The following SEMA5A variants were observed in gnomAD, a reference collection of about 807,000 sequenced individuals.
SEMA5A encodes the protein semaphorin-5A.
Under a neutral mutation model 135.5 loss-of-function variants are expected in SEMA5A, and 55 were observed. The ratio of observed to expected loss-of-function variants is 0.41; its 90% CI spans 0.33 to 0.51. The LOEUF is 0.51. Ranked by LOEUF, SEMA5A falls within the 20% of genes least tolerant of loss-of-function variation. SEMA5A has a pLI of 0.37. For missense variants in SEMA5A, 1,290 were observed against 1,419.9 expected (o/e 0.91, Z 1.47); for synonymous variants, 580 against 546.5 (o/e 1.06, Z -0.85).
rs79283070 is a variant in SEMA5A, at chr5:9,425,543, A to G, written c.-78+12213T>C. On this transcript the variant is annotated intron_variant, in intron 2 of 22. Coordinates refer to ENST00000382496, the MANE Select transcript of SEMA5A (RefSeq NM_003966.3). ...ACGACCACTAGCCCTTGGTGACCCC[A>G]TGTACAGGAAGAGATGTTTCAGGGA... Among the ~76,000 whole-genome samples, 15 of 152,330 alleles carry G rather than the reference A, an allele frequency of 9.8e-5. No individual in the cohort carries two copies. In the East Asian group the frequency reaches 2.9e-3, roughly 29 times the overall value.
chr5:9,201,743 A>G (rs3026338), intron 9 of SEMA5A, among the ~76,000 whole-genome samples: 2,010 of 152,274 alleles, frequency 0.013, 40 homozygotes, highest in African/African-American at 0.046. Flanking sequence ...AACTTTCTTG[A>G]TTTGGCGTAT....
In SEMA5A at chr5:9,545,751, GC is replaced by G. The variant is rs1738358087; in HGVS notation, c.-343del. On this transcript the variant is annotated 5_prime_UTR_variant, in exon 1 of 23. Transcript: ENST00000382496. This position sits in a 1 kb window ranked among gnomAD's most constrained non-coding sequence, Gnocchi z 4.5. ...GCTGAGTTCCAGAATGGGGGCACCG[GC>G]TTGGGGGCCACGAGCACGGTCCCCG... The G allele has an allele frequency of 6.6e-6, 1 of 152,338 alleles. No homozygotes were observed. The highest frequency in any genetic ancestry group is 1.5e-5 in the Non-Finnish European group (1 of 68,170). The allele number at this position is 152,338 out of a possible 1,614,324, so 9.4% of individuals were successfully genotyped here.
chr5:9,054,948 T>C (rs542527442), intron 18 of SEMA5A, among the ~76,000 whole-genome samples: 32 of 152,306 alleles, frequency 2.1e-4, no homozygotes, highest in African/African-American at 7.2e-4. Flanking sequence ...AGTTTTACAA[T>C]GTGAAAGTTA....
intron 5 of SEMA5A, among the ~76,000 whole-genome samples, chr5:9,248,013 A>G (rs899560553): frequency 2.0e-5 from 3 of 152,330 alleles, no homozygotes; most frequent in African/African-American, 7.2e-5. Flanking sequence ...TAAATAATTT[A>G]GCATTAAACA....
At chr5:9,351,425 G>A (rs1039189341) in intron 3 of SEMA5A, among the ~76,000 whole-genome samples, 3 of 151,858 alleles carry the variant, frequency 2.0e-5, no homozygotes, top group Non-Finnish European at 2.9e-5. Context: ...TATAATTAGT[G>A]CATTTCATTG....
At chr5:9,218,154 G>T in intron 8 of SEMA5A, among the ~76,000 whole-genome samples, 1 of 152,076 alleles carries the variant, frequency 6.6e-6, no homozygotes, top group East Asian at 1.9e-4. Flanking sequence ...CATGACATGG[G>T]TTTACCTTTG....
At chr5:9,079,271 A>C (rs1422218720) in intron 16 of SEMA5A, among the ~76,000 whole-genome samples, 1 of 152,138 alleles carries the variant, frequency 6.6e-6, no homozygotes, top group Non-Finnish European at 1.5e-5. Context: ...TCAAAACCAC[A>C]CAACTACATG....
intron 5 of SEMA5A, among the ~76,000 whole-genome samples, chr5:9,257,846 G>T (rs1006741965): frequency 1.3e-5 from 2 of 152,110 alleles, no homozygotes; most frequent in African/African-American, 2.4e-5. Context: ...GGTACACAGG[G>T]GTGTGCAGGG....
At chr5:9,091,866 A>G (rs546045904) in intron 16 of SEMA5A, among the ~76,000 whole-genome samples, 19 of 152,332 alleles carry the variant, frequency 1.2e-4, no homozygotes, top group African/African-American at 4.6e-4. Flanking sequence ...AGTCCTGTTG[A>G]GCACTGACCT....
chr5:9,142,825 A>T (rs967436800), intron 12 of SEMA5A, among the ~76,000 whole-genome samples: 11 of 152,212 alleles, frequency 7.2e-5, no homozygotes, highest in African/African-American at 2.7e-4. Flanking sequence ...TTAACCGGGC[A>T]TGATGGCACA....
chr5:9,388,371 A>C (rs1295377451), intron 2 of SEMA5A, among the ~76,000 whole-genome samples: 1 of 152,140 alleles, frequency 6.6e-6, no homozygotes, highest in Non-Finnish European at 1.5e-5. Context: ...ATTTACACAA[A>C]GGCAATATTA....
At chr5:9,471,516 A>C (rs1759478361) in intron 1 of SEMA5A, among the ~76,000 whole-genome samples, 1 of 152,224 alleles carries the variant, frequency 6.6e-6, no homozygotes, top group African/African-American at 2.4e-5. Flanking sequence ...CAGTACCAGC[A>C]TAAGTAAGGA....
chr5:9,257,297 A>G (rs1345467164), intron 5 of SEMA5A, among the ~76,000 whole-genome samples: 1 of 152,158 alleles, frequency 6.6e-6, no homozygotes, highest in Non-Finnish European at 1.5e-5. Context: ...TGTATTGGAG[A>G]CATTTCAATT....
intron 21 of SEMA5A, among the ~76,000 whole-genome samples, chr5:9,049,655 G>T (rs939647385): frequency 3.3e-5 from 5 of 152,226 alleles, no homozygotes; most frequent in African/African-American, 4.8e-5. Flanking sequence ...AGTCACACAT[G>T]TGGAAGTTAA....
chr5:9,103,954 G>C (rs756155966), intron 16 of SEMA5A, among the ~76,000 whole-genome samples: 4 of 152,132 alleles, frequency 2.6e-5, no homozygotes, highest in Non-Finnish European at 2.9e-5. Context: ...TAAAAATCAA[G>C]AGTGTAAATC....
At chr5:9,244,490 CCTTTGTTCAAGTGTGAG>C (rs1215041914) in intron 5 of SEMA5A, among the ~76,000 whole-genome samples, 2 of 152,184 alleles carry the variant, frequency 1.3e-5, no homozygotes, top group African/African-American at 2.4e-5. Context: ...CTCCTACATA[CCTTTGTTCAAGTGTGAG>C]CTCCTCGCTG....
At chr5:9,405,488 A>G (rs1259313918) in intron 2 of SEMA5A, among the ~76,000 whole-genome samples, 1 of 152,192 alleles carries the variant, frequency 6.6e-6, no homozygotes, top group Non-Finnish European at 1.5e-5. Context: ...ATCAAAGCCA[A>G]TGGGATTCTG....
chr5:9,525,586 G>A (rs899070823), intron 1 of SEMA5A, among the ~76,000 whole-genome samples: 4 of 152,166 alleles, frequency 2.6e-5, no homozygotes, highest in Non-Finnish European at 4.4e-5. Context: ...CTTGTCTCTC[G>A]GAGCCTTTTC....
chr5:9,280,884 G>A (rs1750508255), intron 5 of SEMA5A: 2 of 346,826 alleles, frequency 5.8e-6, no homozygotes, highest in South Asian at 4.7e-5. Context: ...ATGTGTATGT[G>A]TATCTGTGTG....
Sources: allele counts gnomAD v4.1 joint callset (sites outside exome capture counted in the v4.1 genomes callset), GRCh38; gene constraint gnomAD v4.1.1; non-coding constraint Gnocchi (gnomAD v3.1); transcripts MANE v1.5; gene names NCBI Gene and HGNC (gene_info 2026-07-23, HGNC 2026-07-21).